STPG2: variants seen among roughly 807,000 people sequenced by gnomAD.
The protein encoded by STPG2 is sperm-tail PG-rich repeat-containing protein 2.
STPG2 carries 56 observed loss-of-function variants against 54.2 expected under a neutral mutation model. The observed-to-expected ratio is 1.03, with a 90% CI of 0.83 to 1.29. STPG2 has a LOEUF of 1.29. Ranked by LOEUF, STPG2 falls within the 50% of genes most tolerant of loss-of-function variation. The probability of loss-of-function intolerance (pLI) is 0.00; values close to 1 mark genes in which losing one functional copy is unlikely to be tolerated. For synonymous variants in STPG2, 200 were observed against 181.8 expected, an observed-to-expected ratio of 1.10 and a Z score of -0.81; for missense variants, 596 against 544.9, an observed-to-expected ratio of 1.09 and a Z score of -0.93.
At chr4:97,652,946 T>C (rs1181405109) in intron 10 of STPG2, among the ~76,000 whole-genome samples, 3 of 152,036 alleles carry the variant, frequency 2.0e-5, no homozygotes, top group African/African-American at 4.8e-5. Flanking sequence ...CCAAATATAA[T>C]GCAGTGATTC....
intron 10 of STPG2, among the ~76,000 whole-genome samples, chr4:97,698,927 T>C (rs1391415952): frequency 6.6e-6 from 1 of 152,178 alleles, no homozygotes. Context: ...CAATGCTGTG[T>C]GGAATACCAT....
At chr4:98,055,822 G>C (rs1737463934) in intron 5 of STPG2, among the ~76,000 whole-genome samples, 1 of 152,170 alleles carries the variant, frequency 6.6e-6, no homozygotes, top group Non-Finnish European at 1.5e-5. Context: ...CCCTTGGTCT[G>C]CTGGCCTCTC....
intron 5 of STPG2, among the ~76,000 whole-genome samples, chr4:97,985,365 C>G (rs2149265739): frequency 6.6e-6 from 1 of 152,180 alleles, no homozygotes; most frequent in South Asian, 2.1e-4. Context: ...TATTTAAATT[C>G]CTCAGATGTT....
intron 8 of STPG2, among the ~76,000 whole-genome samples, chr4:97,933,594 T>A (rs1204029090): frequency 6.6e-6 from 1 of 152,230 alleles, no homozygotes; most frequent in African/African-American, 2.4e-5. Flanking sequence ...TTGGCCAGTT[T>A]TCCCAGCACC....
chr4:97,454,519 CAAAAAAAAAAAAAAAAAAAAAAAAAA>C (rs10564687), intron 4 of STPG2, among the ~76,000 whole-genome samples: 2 of 43,690 alleles, frequency 4.6e-5, no homozygotes, highest in African/African-American at 4.1e-5. Flanking sequence ...GACTCCGTCT[CAAAAAAAAAAAAAAAAAAAAAAAAAA>C]AAAAAAAAAA....
chr4:97,706,222 A>G (rs1034870677), intron 10 of STPG2, among the ~76,000 whole-genome samples: 1 of 152,182 alleles, frequency 6.6e-6, no homozygotes, highest in South Asian at 2.1e-4. Context: ...AGACACATAT[A>G]CTCAGCACCC....
rs545265042 is a variant in STPG2, at chr4:97,661,768, C to T, written c.1320+50931G>A. ...AAAAAAAGAACTTCTCCACTCTAGA[C>T]TTATGTTCCACACTTTACTTTTCCC... is the stretch of plus-strand genomic sequence containing the variant. On this transcript the variant is annotated intron_variant, in intron 10 of 10. Transcript: ENST00000295268. 8.2e-4 allele frequency among the ~76,000 whole-genome samples: 125 copies of T among 152,140 alleles called. 4 individuals carry two copies. In the South Asian group the frequency reaches 0.026, roughly 31 times the overall value.
intron 7 of STPG2, among the ~76,000 whole-genome samples, chr4:97,948,478 G>C (rs1733334789): frequency 6.6e-6 from 1 of 151,894 alleles, no homozygotes; most frequent in Non-Finnish European, 1.5e-5. Context: ...GTTTGTTCTT[G>C]TTTCTCTTAT....
intron 10 of STPG2, among the ~76,000 whole-genome samples, chr4:97,690,406 GC>G (rs1723327788): frequency 6.6e-6 from 1 of 151,936 alleles, no homozygotes; most frequent in Admixed American, 6.6e-5. Flanking sequence ...AGTCCTCAGG[GC>G]AAAACCAGAA....
At chr4:97,872,337 T>C (rs1001531518) in intron 8 of STPG2, among the ~76,000 whole-genome samples, 4 of 151,270 alleles carry the variant, frequency 2.6e-5, no homozygotes, top group Non-Finnish European at 5.9e-5. Context: ...TTTAAAGAAG[T>C]AACACTGTAT....
chr4:98,058,986 A>G (rs201332105), intron 5 of STPG2, among the ~76,000 whole-genome samples: 59,535 of 151,244 alleles, frequency 0.39, 11,965 homozygotes, highest in Middle Eastern at 0.46. Flanking sequence ...AAGACAAAAA[A>G]AAAAAAACAG....
chr4:97,606,982 A>G (rs1038067524), intron 10 of STPG2, among the ~76,000 whole-genome samples: 2 of 152,066 alleles, frequency 1.3e-5, no homozygotes, highest in African/African-American at 4.8e-5. Flanking sequence ...TCTACATGAT[A>G]AAAGAATAGG....
intron 5 of STPG2, among the ~76,000 whole-genome samples, chr4:98,078,986 T>A (rs975288300): frequency 1.3e-5 from 2 of 152,160 alleles, no homozygotes; most frequent in African/African-American, 4.8e-5. Context: ...CATATTATGT[T>A]TCTACTAAAG....
rs996455160 is a variant in STPG2, at chr4:97,629,673, T to A, written c.1321-70556A>T. Among the ~76,000 whole-genome samples, 5 of 151,982 alleles carry A rather than the reference T, an allele frequency of 3.3e-5. No individual in the cohort carries two copies. In the South Asian group the frequency reaches 1.0e-3, roughly 31 times the overall value. ...GAATGAATGTCTGAAACAGTAAAAG[T>A]TACAACACTAACCTTGAAAAGAAGG... On this transcript the variant is annotated intron_variant, in intron 10 of 10. Coordinates refer to ENST00000295268, the MANE Select transcript of STPG2 (RefSeq NM_174952.3).
intron 4 of STPG2, among the ~76,000 whole-genome samples, chr4:97,493,319 T>C (rs1730541149): frequency 6.6e-6 from 1 of 151,460 alleles, no homozygotes; most frequent in Non-Finnish European, 1.5e-5. Flanking sequence ...TTGAAGTTAC[T>C]AACTTCTGAT....
chr4:98,095,390 G>GT (rs1262106491), intron 5 of STPG2, among the ~76,000 whole-genome samples: 3 of 152,138 alleles, frequency 2.0e-5, no homozygotes, highest in Non-Finnish European at 4.4e-5. Flanking sequence ...CTGAACAGAT[G>GT]TTTTCAAAGA....
At chr4:98,015,841 A>C (rs1360193049) in intron 5 of STPG2, among the ~76,000 whole-genome samples, 1 of 152,168 alleles carries the variant, frequency 6.6e-6, no homozygotes, top group Non-Finnish European at 1.5e-5. Context: ...GATAAAGAAA[A>C]TGTGGCACAT....
intron 7 of STPG2, among the ~76,000 whole-genome samples, chr4:97,944,674 C>T (rs1235353386): frequency 6.6e-6 from 1 of 152,032 alleles, no homozygotes; most frequent in East Asian, 1.9e-4. Context: ...ACACATTTTA[C>T]TGTTTTTGTT....
intron 9 of STPG2, among the ~76,000 whole-genome samples, chr4:97,737,343 G>A (rs761695578): frequency 5.9e-5 from 9 of 152,142 alleles, no homozygotes; most frequent in South Asian, 2.1e-4. Flanking sequence ...CACCAGCAAC[G>A]GAACAAAGCT....
Sources: gnomAD v4.1 joint callset for allele counts (sites outside exome capture counted in the v4.1 genomes callset) on GRCh38, gnomAD v4.1.1 for gene constraint, MANE v1.5 for transcripts, NCBI Gene and HGNC (gene_info 2026-07-23, HGNC 2026-07-21) for gene names.